ZHX3: variants seen among roughly 807,000 people sequenced by gnomAD.
ZHX3 encodes the protein zinc fingers and homeoboxes 3, also known as zinc fingers and homeoboxes protein 3.
A neutral mutation model predicts 64.5 loss-of-function variants in ZHX3; 20 were observed. The observed-to-expected ratio is 0.31, with a 90% CI of 0.22 to 0.45. The LOEUF is 0.45. Ranked by LOEUF, ZHX3 falls within the 20% of genes least tolerant of loss-of-function variation. The probability of loss-of-function intolerance (pLI) is 1.00; values close to 1 mark genes in which losing one functional copy is unlikely to be tolerated. For synonymous variants in ZHX3, 423 were observed against 461.6 expected, an observed-to-expected ratio of 0.92 and a Z score of 1.07; for missense variants, 1,041 against 1,195.8, an observed-to-expected ratio of 0.87 and a Z score of 1.91.
At chr20:41,311,623 TAATG>T (rs2045140173) in intron 1 of ZHX3, among the ~76,000 whole-genome samples, 2 of 152,246 alleles carry the variant, frequency 1.3e-5, no homozygotes, top group Non-Finnish European at 2.9e-5. Flanking sequence ...CAGAAGGCAG[TAATG>T]AATAAGGGGG....
chr20:41,297,718 T>C (rs1278538150), intron 1 of ZHX3, among the ~76,000 whole-genome samples: 1 of 152,194 alleles, frequency 6.6e-6, no homozygotes, highest in Non-Finnish European at 1.5e-5. Flanking sequence ...TAAGTAAGTA[T>C]GTAAGGCAGA....
intron 1 of ZHX3, among the ~76,000 whole-genome samples, chr20:41,296,940 C>G (rs145432653): frequency 6.6e-6 from 1 of 152,276 alleles, no homozygotes; most frequent in East Asian, 1.9e-4. Context: ...CCATTTGTCT[C>G]TTTGGAGCTA....
intron 2 of ZHX3, among the ~76,000 whole-genome samples, chr20:41,250,328 T>C (rs139445500): frequency 1.8e-4 from 28 of 152,282 alleles, no homozygotes; most frequent in African/African-American, 6.0e-4. Flanking sequence ...CCTGCTAAAA[T>C]GGAAGATTTA....
At chr20:41,277,110 A>G (rs2043420202) in intron 1 of ZHX3, among the ~76,000 whole-genome samples, 1 of 152,212 alleles carries the variant, frequency 6.6e-6, no homozygotes, top group Non-Finnish European at 1.5e-5. Context: ...GAACTTTTCT[A>G]GAGTGGCAAA....
intron 2 of ZHX3, among the ~76,000 whole-genome samples, chr20:41,250,536 A>T (rs573488026): frequency 6.6e-6 from 1 of 152,304 alleles, no homozygotes; most frequent in Admixed American, 6.5e-5. Context: ...AAACAGACAG[A>T]ACCTCCAACA....
intron 1 of ZHX3, among the ~76,000 whole-genome samples, chr20:41,271,301 A>G (rs1049286779): frequency 1.6e-4 from 25 of 152,244 alleles, no homozygotes; most frequent in African/African-American, 5.8e-4. Context: ...TACAGGCGTG[A>G]GCCACCATGC....
intron 1 of ZHX3, among the ~76,000 whole-genome samples, chr20:41,283,525 G>A (rs1199807751): frequency 6.6e-6 from 1 of 152,172 alleles, no homozygotes; most frequent in Non-Finnish European, 1.5e-5. Context: ...TTAGAAGGCT[G>A]AGGCGGGCAG....
intron 1 of ZHX3, among the ~76,000 whole-genome samples, chr20:41,284,913 C>A (rs2043861598): frequency 6.6e-6 from 1 of 152,182 alleles, no homozygotes; most frequent in Admixed American, 6.5e-5. Flanking sequence ...TACAAGCATT[C>A]ACTTGCCTCA....
At chr20:41,282,499 C>T (rs940064658) in intron 1 of ZHX3, among the ~76,000 whole-genome samples, 2 of 150,528 alleles carry the variant, frequency 1.3e-5, no homozygotes, top group Admixed American at 6.7e-5. Flanking sequence ...GTTGGGATTA[C>T]AGGCATGCCC....
intron 1 of ZHX3, among the ~76,000 whole-genome samples, chr20:41,305,887 ATCT>A (rs1190322124): frequency 3.3e-5 from 5 of 152,182 alleles, no homozygotes; most frequent in Admixed American, 3.3e-4. Context: ...GCAAAAAGTA[ATCT>A]TCTACTATTT....
At chr20:41,253,229 G>A (rs1215180649) in intron 2 of ZHX3, among the ~76,000 whole-genome samples, 6 of 134,134 alleles carry the variant, frequency 4.5e-5, no homozygotes, top group Admixed American at 1.5e-4. Flanking sequence ...TGTTGTCTTG[G>A]TTTTTGGGAC....
intron 2 of ZHX3, among the ~76,000 whole-genome samples, chr20:41,225,348 CCACT>C (rs2040195576): frequency 6.6e-6 from 1 of 152,186 alleles, no homozygotes; most frequent in Non-Finnish European, 1.5e-5. Context: ...CCACCACATC[CCACT>C]CAGAGGCTGG....
chr20:41,227,019 G>C (rs2040314084), intron 2 of ZHX3, among the ~76,000 whole-genome samples: 2 of 152,196 alleles, frequency 1.3e-5, no homozygotes, highest in East Asian at 1.9e-4. Flanking sequence ...CCCTTGACAG[G>C]TAAGATTAAG....
rs1054841562 is a variant in ZHX3 at position 41,179,635 on chromosome 20, T to G, written c.*5556A>C. On this transcript the variant is annotated 3_prime_UTR_variant, in exon 4 of 4. Transcript: ENST00000683867. The surrounding 1 kb of genome is among the most constrained non-coding windows in gnomAD (Gnocchi z 4.3). ...TTTTAACTCCAGTCACATTAAGTTT[T>G]TTTTTTTTTTTTGAGACGGAGTTTC... 2 of 136,952 alleles carry G rather than the reference T, an allele frequency of 1.5e-5. No homozygotes were observed. Among genetic ancestry groups the G allele is most frequent in the African/African-American group, 3.7e-5 (1 of 27,024 alleles). The allele number at this position is 136,952 out of a possible 1,614,324, so 8.5% of individuals were successfully genotyped here. A position where few individuals can be genotyped will look rare whatever the true frequency, so the allele number is the denominator to read the frequency against.
intron 1 of ZHX3, among the ~76,000 whole-genome samples, chr20:41,316,576 G>A (rs1036695798): frequency 6.6e-6 from 1 of 152,062 alleles, no homozygotes; most frequent in African/African-American, 2.4e-5. Context: ...TAAACATTTA[G>A]GATATCTGGA....
chr20:41,247,746 C>T (rs1775391763), intron 2 of ZHX3, among the ~76,000 whole-genome samples: 1 of 152,144 alleles, frequency 6.6e-6, no homozygotes, highest in Non-Finnish European at 1.5e-5. Flanking sequence ...GTATGCTCCC[C>T]TGAATCACAA....
At chr20:41,217,825 T>C (rs1343999196) in intron 2 of ZHX3, among the ~76,000 whole-genome samples, 1 of 152,224 alleles carries the variant, frequency 6.6e-6, no homozygotes, top group Non-Finnish European at 1.5e-5. Flanking sequence ...ACACGACATA[T>C]TTTTGGCAGA....
chr20:41,236,545 T>C lies in ZHX3; in HGVS notation c.-150-31479A>G, dbSNP rs369596669. On this transcript the variant is annotated intron_variant, in intron 2 of 3. Coordinates refer to ENST00000683867, the MANE Select transcript of ZHX3 (RefSeq NM_001384317.1). ...GAAGGATTCCCTATTTAATAAACGG[T>C]GCTGGGAAAACGGGCTAGCCATATG... 5.4e-3 allele frequency among the ~76,000 whole-genome samples: 816 copies of C among 152,306 alleles called. 6 individuals carry two copies. The highest frequency in any genetic ancestry group is 0.014 in the South Asian group (68 of 4,820).
At chr20:41,197,793 T>C (rs1249339141) in intron 3 of ZHX3, among the ~76,000 whole-genome samples, 1 of 152,168 alleles carries the variant, frequency 6.6e-6, no homozygotes. Context: ...ATGTACTGTT[T>C]TGATTCTGTT....
Sources: gnomAD v4.1 joint callset for allele counts (sites outside exome capture counted in the v4.1 genomes callset) on GRCh38, gnomAD v4.1.1 for gene constraint, Gnocchi (gnomAD v3.1) non-coding constraint, MANE v1.5 for transcripts, NCBI Gene and HGNC (gene_info 2026-07-23, HGNC 2026-07-21) for gene names.